UGT1A9: variants seen among roughly 807,000 people sequenced by gnomAD.
UGT1A9 encodes the protein UDP-glucuronosyltransferase 1A9.
A neutral mutation model predicts 45.0 loss-of-function variants in UGT1A9; 35 were observed. The ratio of observed to expected loss-of-function variants is 0.78; its 90% confidence interval spans 0.59 to 1.03. UGT1A9 has a LOEUF of 1.03. Ranked by LOEUF, UGT1A9 falls within the 50% of genes least tolerant of loss-of-function variation. The pLI is 0.00. For missense variants in UGT1A9, 687 were observed against 666.6 expected, an observed-to-expected ratio of 1.03 and a Z score of -0.34; for synonymous variants, 278 against 250.6, an observed-to-expected ratio of 1.11 and a Z score of -1.03.
chr2:233,740,338 G>C (rs1156245808), intron 1 of UGT1A9, among the ~76,000 whole-genome samples: 2 of 151,948 alleles, frequency 1.3e-5, no homozygotes, highest in Admixed American at 1.3e-4. Context: ...TGAGAAAGTT[G>C]ATGAGAAAGT....
chr2:233,684,425 C>G (rs2074679890), intron 1 of UGT1A9, among the ~76,000 whole-genome samples: 1 of 152,212 alleles, frequency 6.6e-6, no homozygotes, highest in African/African-American at 2.4e-5. Flanking sequence ...GCCTCACCCT[C>G]TAGCCAAGTG....
chr2:233,713,755 G>A (rs1032463751), intron 1 of UGT1A9: 1 of 1,613,844 alleles, frequency 6.2e-7, no homozygotes, highest in Non-Finnish European at 8.5e-7. Context: ...GCATCTGTGT[G>A]GCTGTTCCGA....
In UGT1A9 at chr2:233,672,227, G is replaced by T; in HGVS notation, c.293G>T (p.Trp98Leu). The T allele has an allele frequency of 6.2e-7, 1 of 1,614,016 alleles. No homozygotes were observed. The change falls in exon 1 of 5, where the codon TGG becomes TTG. Residue 98 changes from tryptophan (W) to leucine (L), a missense_variant. Physicochemically the swap from Trp to Leu is moderately conservative, Grantham distance 61. Transcript: ENST00000354728. ...TTCAAGGCTTTTGCCCATGCTCAAT[G>T]GAAAGCACAAGTACGAAGTATATAT... Reference protein sequence around the residue: ...REFKAFAHAQWKAQVRSIYSL... With the variant: ...REFKAFAHAQLKAQVRSIYSL...
intron 1 of UGT1A9, among the ~76,000 whole-genome samples, chr2:233,699,142 G>A (rs564222627): frequency 2.6e-5 from 4 of 152,274 alleles, no homozygotes; most frequent in African/African-American, 7.2e-5. Context: ...ATTCTCATGG[G>A]TGCCTTGCAA....
chr2:233,695,791 A>G (rs532521101), intron 1 of UGT1A9, among the ~76,000 whole-genome samples: 1 of 152,262 alleles, frequency 6.6e-6, no homozygotes, highest in African/African-American at 2.4e-5. Flanking sequence ...CATTCTGTAT[A>G]TGTACTATCT....
chr2:233,692,800 C>T (rs2075115149), intron 1 of UGT1A9: 2 of 1,393,480 alleles, frequency 1.4e-6, no homozygotes, highest in African/African-American at 2.9e-5. Flanking sequence ...GCTGACACGG[C>T]CATAGTTGGT....
chr2:233,684,115 G>T (rs1559340861), intron 1 of UGT1A9, among the ~76,000 whole-genome samples: 1 of 152,004 alleles, frequency 6.6e-6, no homozygotes, highest in East Asian at 1.9e-4. Flanking sequence ...TATTGTTCTG[G>T]CTTCTTACAA....
rs1294675830 is a variant in UGT1A9 at position 233,743,947 on chromosome 2, T to C, written c.856-23087T>C. The C allele has an allele frequency of 8.9e-6, 12 of 1,348,380 alleles. No individual in the cohort carries two copies. In the Admixed American group the frequency reaches 2.3e-4, roughly 26 times the overall value. The allele number at this position is 1,348,380 out of a possible 1,614,324, so 83.5% of individuals were successfully genotyped here. A position where few individuals can be genotyped will look rare whatever the true frequency, so the allele number is the denominator to read the frequency against. Reference sequence around the variant, plus strand: ...ATGGCCAGAACGGCCCACCAGGCACTGGCACAGCGAGCGGCAAGGCTGCCA... The same window carrying C: ...ATGGCCAGAACGGCCCACCAGGCACCGGCACAGCGAGCGGCAAGGCTGCCA... On this transcript the variant is annotated intron_variant, in intron 1 of 4. Coordinates refer to ENST00000354728, the MANE Select transcript of UGT1A9 (RefSeq NM_021027.3).
At chr2:233,731,107 A>T (rs1222432137) in intron 1 of UGT1A9, among the ~76,000 whole-genome samples, 4 of 151,962 alleles carry the variant, frequency 2.6e-5, no homozygotes, top group Admixed American at 2.6e-4. Flanking sequence ...CTTTTTTATA[A>T]ATGTAGGTAT....
At chr2:233,682,378 C>G (rs763404567) in intron 1 of UGT1A9, 3 of 1,613,940 alleles carry the variant, frequency 1.9e-6, no homozygotes, top group Non-Finnish European at 1.7e-6. Flanking sequence ...CAGTGTTTCT[C>G]GATCCTTTTG....
chr2:233,772,833 T>TTTAC lies in UGT1A9; in HGVS notation c.*274_*275insTTAC. 1.1e-6 allele frequency: 1 copy of TTTAC among 879,514 alleles called. No homozygotes were observed. Among genetic ancestry groups the TTTAC allele is most frequent in the Non-Finnish European group, 1.6e-6 (1 of 630,664 alleles). The allele number at this position is 879,514 out of a possible 1,614,324, so 54.5% of individuals were successfully genotyped here. A position where few individuals can be genotyped will look rare whatever the true frequency, so the allele number is the denominator to read the frequency against. ...AGGACGTGCAGACAGGCTGGCATTC[T>TTTAC]AGATTACTTTTCTTACTCTGAAACA... On this transcript the variant is annotated 3_prime_UTR_variant, in exon 5 of 5. Transcript: ENST00000354728.
chr2:233,759,026 A>G (rs888147104), intron 1 of UGT1A9, among the ~76,000 whole-genome samples: 4 of 152,116 alleles, frequency 2.6e-5, no homozygotes, highest in Admixed American at 2.0e-4. Flanking sequence ...TTGCTTATCT[A>G]TTTGGTTTCC....
chr2:233,737,327 G>A (rs1317799063), intron 1 of UGT1A9, among the ~76,000 whole-genome samples: 4 of 152,258 alleles, frequency 2.6e-5, no homozygotes, highest in African/African-American at 4.8e-5. Flanking sequence ...TGCACTAGCA[G>A]TGAGCAAGGC....
chr2:233,696,615 T>G (rs2075352181), intron 1 of UGT1A9, among the ~76,000 whole-genome samples: 1 of 152,234 alleles, frequency 6.6e-6, no homozygotes, highest in Non-Finnish European at 1.5e-5. Flanking sequence ...CCTTTCTTTC[T>G]TTCTTTCTCT....
intron 1 of UGT1A9, among the ~76,000 whole-genome samples, chr2:233,700,769 C>T (rs984104933): frequency 2.6e-5 from 4 of 151,824 alleles, no homozygotes; most frequent in South Asian, 4.2e-4. Context: ...ATGTGCACAA[C>T]GTACAGGTTT....
intron 1 of UGT1A9, chr2:233,747,230 A>AGGTTCCCCT: frequency 6.2e-7 from 1 of 1,605,032 alleles, no homozygotes; most frequent in South Asian, 1.1e-5. Context: ...ACAGGACCCC[A>AGGTTCCCCT]GGTTCCCCTG....
At chr2:233,748,049 C>CAA (rs1416676194) in intron 1 of UGT1A9, 1 of 1,613,268 alleles carries the variant, frequency 6.2e-7, no homozygotes, top group African/African-American at 1.3e-5. Flanking sequence ...TTGGGGGCAT[C>CAA]AACTGTGCCA....
At position 233,720,736 on chromosome 2, in the gene UGT1A9, C is replaced by T. The variant is rs186867201; in HGVS notation, c.856-46298C>T. 4.2e-3 allele frequency among the ~76,000 whole-genome samples: 630 copies of T among 148,874 alleles called. 11 individuals are homozygous for T. Among genetic ancestry groups the T allele is most frequent in the African/African-American group, 0.015 (595 of 40,300 alleles). ...TTTTTTTTTTCTTGAGACTGAGCCT[C>T]GTTCTGTCGCCCAGGCTGGAGGGCA... is the stretch of plus-strand genomic sequence containing the variant. On this transcript the variant is annotated intron_variant, in intron 1 of 4. Transcript: ENST00000354728.
intron 1 of UGT1A9, among the ~76,000 whole-genome samples, chr2:233,756,693 T>C (rs1305461555): frequency 6.6e-6 from 1 of 152,168 alleles, no homozygotes; most frequent in East Asian, 1.9e-4. Context: ...ATAATGACGA[T>C]GAATTTTGGG....
Sources: gnomAD v4.1 joint callset for allele counts (sites outside exome capture counted in the v4.1 genomes callset) on GRCh38, gnomAD v4.1.1 for gene constraint, MANE v1.5 for transcripts, NCBI Gene and HGNC (gene_info 2026-07-23, HGNC 2026-07-21) for gene names.